CLDN14: variants seen among roughly 807,000 people sequenced by gnomAD.
CLDN14 encodes claudin-14.
A neutral mutation model predicts 2.1 loss-of-function variants in CLDN14; 2 were observed. That is an observed-to-expected ratio of 0.96 (90% CI 0.39 to 3.01). CLDN14 has a LOEUF of 3.01. Among genes scored for constraint, CLDN14 ranks in the 30% most tolerant of loss-of-function variants. The pLI, the probability that CLDN14 is intolerant of heterozygous loss-of-function variation, is 0.09. For synonymous variants in CLDN14, 136 were observed against 154.4 expected, an observed-to-expected ratio of 0.88 and a Z score of 0.88; for missense variants, 298 against 328.0, an observed-to-expected ratio of 0.91 and a Z score of 0.71.
chr21:36,511,950 G>C (rs921736228), intron 1 of CLDN14, among the ~76,000 whole-genome samples: 1 of 152,154 alleles, frequency 6.6e-6, no homozygotes, highest in Non-Finnish European at 1.5e-5. Flanking sequence ...ACACCTCAAA[G>C]GGTTATTAAG....
At position 36,461,597 on chromosome 21, in the gene CLDN14, T is replaced by A; in HGVS notation, c.99A>T (p.Thr33=). The change falls in exon 2 of 2, where the codon ACA becomes ACT. Residue 33 remains threonine, a synonymous_variant. Coordinates refer to ENST00000399135, the MANE Select transcript of CLDN14 (RefSeq NM_001146079.2). The stretch of plus-strand genomic sequence containing the variant: ...TGAGGATGTTGGTGCCCACGTGCGC[T>A]GTCCTCCGCCAGTGCGGCAGGATGG... The part of the protein sequence containing the change: ...ITTILPHWRR[T]AHVGTNILTA... 6.2e-7 allele frequency: 1 copy of A among 1,609,282 alleles called. No individual in the cohort carries two copies.
rs376432821 is a variant in CLDN14, at chr21:36,567,541, G to A, written c.-220+8870C>T. The stretch of plus-strand genomic sequence containing the variant: ...CATGACCACTTTCATTTAGGGGGCT[G>A]GGGGTGAAAGAGTCTGTTTATTTGA... On this transcript the variant is annotated intron_variant, in intron 1 of 2. Coordinates refer to the CLDN14 transcript ENST00000342108. 4.6e-5 allele frequency among the ~76,000 whole-genome samples: 7 copies of A among 152,314 alleles called. No homozygotes were observed. In the East Asian group the frequency reaches 1.3e-3, roughly 29 times the overall value.
chr21:36,476,160 G>A (rs2086777067), intron 1 of CLDN14, among the ~76,000 whole-genome samples: 1 of 152,088 alleles, frequency 6.6e-6, no homozygotes, highest in Admixed American at 6.6e-5. Flanking sequence ...TACCCATAAG[G>A]CTAGGCTCTC....
At chr21:36,465,084 C>T (rs548952727) in intron 1 of CLDN14, among the ~76,000 whole-genome samples, 1 of 152,294 alleles carries the variant, frequency 6.6e-6, no homozygotes, top group South Asian at 2.1e-4. Flanking sequence ...GAAACTAAGA[C>T]AGTCCCAAGG....
Position 36,517,233 on chromosome 21 carries a change from A to G in CLDN14, c.-219-6733T>C, listed in dbSNP as rs989048308. On this transcript the variant is annotated intron_variant, in intron 1 of 2. Coordinates refer to the CLDN14 transcript ENST00000342108. ...AAATTCAAATTTCAGTGTCCATTAT[A>G]TAAAGTTTTGTTGGAACACAGCCAC... Among the ~76,000 whole-genome samples the G allele has an allele frequency of 6.4e-4, 97 of 152,236 alleles. 7 individuals carry two copies. Among genetic ancestry groups the G allele is most frequent in the Non-Finnish European group, 1.5e-5 (1 of 68,038 alleles).
intron 1 of CLDN14, among the ~76,000 whole-genome samples, chr21:36,552,193 C>T (rs1236731099): frequency 6.6e-6 from 1 of 152,156 alleles, no homozygotes; most frequent in Non-Finnish European, 1.5e-5. Context: ...GAAACATTCT[C>T]CCAAGTAATA....
At chr21:36,467,518 C>A in intron 1 of CLDN14, among the ~76,000 whole-genome samples, 1 of 142,804 alleles carries the variant, frequency 7.0e-6, no homozygotes, top group Admixed American at 6.9e-5. Context: ...TGGAGGGGTG[C>A]GGGGGTGGGA....
At chr21:36,478,860 T>C (rs1161516592) in intron 1 of CLDN14, among the ~76,000 whole-genome samples, 2 of 152,196 alleles carry the variant, frequency 1.3e-5, no homozygotes, top group African/African-American at 4.8e-5. Flanking sequence ...CCGTGGCAGC[T>C]GTTGGGGATG....
intron 1 of CLDN14, among the ~76,000 whole-genome samples, chr21:36,534,177 C>A (rs1208568604): frequency 1.3e-5 from 2 of 152,134 alleles, no homozygotes; most frequent in African/African-American, 2.4e-5. Context: ...TCTCAGCTCA[C>A]TGCAAACTCC....
chr21:36,553,726 G>A (rs750297147), intron 1 of CLDN14, among the ~76,000 whole-genome samples: 15 of 151,852 alleles, frequency 9.9e-5, no homozygotes, highest in Non-Finnish European at 1.8e-4. Context: ...CAGTCAGCAG[G>A]ACCTGCTACA....
Position 36,562,630 on chromosome 21 carries a change from T to A in CLDN14, c.-220+13781A>T, listed in dbSNP as rs150739086. ...TTTTGCTTTAAAAATTAATTTTTAATAATCTCTAAAGAAATGCGTTCACCC... is the reference window on the plus strand; with the variant it reads ...TTTTGCTTTAAAAATTAATTTTTAAAAATCTCTAAAGAAATGCGTTCACCC... On this transcript the variant is annotated intron_variant, in intron 1 of 2. Transcript: ENST00000342108. 3.2e-3 allele frequency among the ~76,000 whole-genome samples: 480 copies of A among 152,282 alleles called. 3 individuals are homozygous for A. Among genetic ancestry groups the A allele is most frequent in the African/African-American group, 0.011 (447 of 41,560 alleles).
chr21:36,521,016 C>T (rs1032163498), intron 1 of CLDN14, among the ~76,000 whole-genome samples: 9 of 151,994 alleles, frequency 5.9e-5, no homozygotes, highest in African/African-American at 1.9e-4. Flanking sequence ...GAGCAGACAG[C>T]CCAAAATGGC....
Position 36,514,652 on chromosome 21 carries a change from TGTGTGTGTGTAG to T in CLDN14, c.-219-4164_-219-4153del, listed in dbSNP as rs1414757712. Among the ~76,000 whole-genome samples, 21 of 148,664 alleles carry T rather than the reference TGTGTGTGTGTAG, an allele frequency of 1.4e-4. No individual in the cohort carries two copies. The South Asian group carries it at 3.4e-3, about 24-fold the overall frequency. On this transcript the variant is annotated intron_variant, in intron 1 of 2. Coordinates refer to the CLDN14 transcript ENST00000342108. Reference sequence around the variant, plus strand: ...GTGTGTGTGTGTGTGTGTGTGTGTGTGTGTGTGTGTAGAGAGACAGGAGGGAGAGAAGAGGAG... The same window carrying T: ...GTGTGTGTGTGTGTGTGTGTGTGTGTAGAGACAGGAGGGAGAGAAGAGGAG...
chr21:36,537,944 A>AT (rs2087441865), intron 1 of CLDN14, among the ~76,000 whole-genome samples: 1 of 152,098 alleles, frequency 6.6e-6, no homozygotes, highest in Non-Finnish European at 1.5e-5. Flanking sequence ...CACCACACTC[A>AT]GCCTACAATT....
At chr21:36,515,863 T>C (rs2087225394) in intron 1 of CLDN14, among the ~76,000 whole-genome samples, 1 of 147,794 alleles carries the variant, frequency 6.8e-6, no homozygotes, top group African/African-American at 2.5e-5. Context: ...CTTGGCTCAC[T>C]GCAACCTCCG....
intron 2 of CLDN14, among the ~76,000 whole-genome samples, chr21:36,496,282 C>T (rs2087016719): frequency 6.6e-6 from 1 of 151,522 alleles, no homozygotes; most frequent in South Asian, 2.1e-4. Context: ...CAAAAAAATA[C>T]AAAAATTAGC....
intron 1 of CLDN14, among the ~76,000 whole-genome samples, chr21:36,465,012 C>A (rs1310816813): frequency 6.6e-6 from 1 of 152,214 alleles, no homozygotes; most frequent in African/African-American, 2.4e-5. Flanking sequence ...GCAGCCAGGG[C>A]AACCAACTGC....
chr21:36,553,460 C>G (rs544279328), intron 1 of CLDN14, among the ~76,000 whole-genome samples: 26 of 152,088 alleles, frequency 1.7e-4, no homozygotes, highest in Non-Finnish European at 3.1e-4. Flanking sequence ...CGGTGACTGT[C>G]CCTTTGATGC....
intron 1 of CLDN14, among the ~76,000 whole-genome samples, chr21:36,564,419 G>A (rs1429652907): frequency 6.6e-6 from 1 of 152,214 alleles, no homozygotes; most frequent in East Asian, 1.9e-4. Context: ...CTCTGATTTG[G>A]ATCCTTAAGA....
Sources: allele counts gnomAD v4.1 joint callset (sites outside exome capture counted in the v4.1 genomes callset), GRCh38; gene constraint gnomAD v4.1.1; transcripts MANE v1.5; gene names NCBI Gene and HGNC (gene_info 2026-07-23, HGNC 2026-07-21).